Variants in C4orf33 observed in about 807,000 individuals in gnomAD.
C4orf33 encodes UPF0462 protein C4orf33.
Under a neutral mutation model 24.3 loss-of-function variants are expected in C4orf33, and 20 were observed. The observed-to-expected ratio is 0.82, with a 90% confidence interval of 0.58 to 1.19. C4orf33 has a LOEUF of 1.19. Ranked by LOEUF, C4orf33 falls within the 50% of genes most tolerant of loss-of-function variation. The pLI, the probability that C4orf33 is intolerant of heterozygous loss-of-function variation, is 0.00. For missense variants in C4orf33, 207 were observed against 225.9 expected (o/e 0.92, Z 0.54); for synonymous variants, 67 against 76.4 (o/e 0.88, Z 0.64).
At chr4:129,107,976 A>C (rs1256722411) in intron 3 of C4orf33, among the ~76,000 whole-genome samples, 1 of 152,138 alleles carries the variant, frequency 6.6e-6, no homozygotes, top group Non-Finnish European at 1.5e-5. Context: ...AAAAAAATTC[A>C]CAGAGTAGTT....
chr4:129,094,388 G>C (rs1203666839), upstream of C4orf33, among the ~76,000 whole-genome samples: 1 of 152,056 alleles, frequency 6.6e-6, no homozygotes, highest in Non-Finnish European at 1.5e-5. Context: ...CTAGTTTTGT[G>C]CTTTTAATAA....
chr4:129,112,051 TAC>T lies in C4orf33; in HGVS notation c.*262_*263del. 3.7e-6 allele frequency: 1 copy of T among 273,298 alleles called. No homozygotes were observed. Among genetic ancestry groups the T allele is most frequent in the East Asian group, 7.2e-5 (1 of 13,836 alleles). The allele number at this position is 273,298 out of a possible 1,614,324, so 16.9% of individuals were successfully genotyped here. ...AGGATGTTGCATTCCCAGCACACAG[TAC>T]AGTTATTCTTGAAAACTACAAGTGA... On this transcript the variant is annotated 3_prime_UTR_variant, in exon 6 of 6. Transcript: ENST00000425929.
chr4:129,106,610 G>C lies in C4orf33; in HGVS notation c.205G>C (p.Asp69His). Residue 69 changes from aspartate (D) to histidine (H), a missense_variant, in exon 3 of 6, where the codon GAT (aspartate) becomes CAT (histidine). By Grantham distance (81) the Asp-to-His change is moderately conservative (BLOSUM62 -1). Coordinates refer to ENST00000425929, the MANE Select transcript of C4orf33 (RefSeq NM_001099783.2). ...AGTTGTGGAAGCATTTTTCTTGAATGATATAACTGAGCAATATTTAGAAGT... is the reference window on the plus strand; with the variant it reads ...AGTTGTGGAAGCATTTTTCTTGAATCATATAACTGAGCAATATTTAGAAGT... ...YEVVEAFFLN[D>H]ITEQYLEVEL... 1.3e-6 allele frequency: 2 copies of C among 1,548,316 alleles called. No homozygotes were observed. The highest frequency in any genetic ancestry group is 1.8e-6 in the Non-Finnish European group (2 of 1,133,608).
intron 2 of C4orf33, among the ~76,000 whole-genome samples, chr4:129,104,959 AGT>A (rs59872290): frequency 0.67 from 99,167 of 149,082 alleles, 36,231 homozygotes; most frequent in South Asian, 0.86. Flanking sequence ...TGTGCATCTG[AGT>A]GTGTGTGTGT....
intron 5 of C4orf33, chr4:129,110,144 C>A (rs187936824): frequency 2.8e-6 from 1 of 352,874 alleles, no homozygotes; most frequent in Non-Finnish European, 4.0e-6. Flanking sequence ...ACACTGCTTA[C>A]GATAAAAATG....
chr4:129,095,615 C>A (rs1038304063), upstream of C4orf33, among the ~76,000 whole-genome samples: 4 of 152,168 alleles, frequency 2.6e-5, no homozygotes, highest in Non-Finnish European at 5.9e-5. Flanking sequence ...CACTAACATT[C>A]ATTTGGTTGA....
At chr4:129,111,207 C>G (rs1023257468) in intron 5 of C4orf33, among the ~76,000 whole-genome samples, 3 of 152,110 alleles carry the variant, frequency 2.0e-5, no homozygotes, top group Non-Finnish European at 4.4e-5. Context: ...TGGTTTTCCT[C>G]GAAAGAAAAG....
At chr4:129,098,129 A>G (rs1461510286) in intron 1 of C4orf33, among the ~76,000 whole-genome samples, 1 of 152,052 alleles carries the variant, frequency 6.6e-6, no homozygotes, top group African/African-American at 2.4e-5. Flanking sequence ...CTTGGGAAGG[A>G]GGTTTTTGCT....
intron 5 of C4orf33, among the ~76,000 whole-genome samples, chr4:129,110,370 T>C (rs1753658207): frequency 6.6e-6 from 1 of 152,130 alleles, no homozygotes; most frequent in South Asian, 2.1e-4. Flanking sequence ...TCAATTTGAG[T>C]CTTGTTTCCT....
rs1319501765 is a variant in C4orf33 at position 129,112,054 on chromosome 4, A to G, written c.*263A>G. 1 of 264,536 alleles carries G rather than the reference A, an allele frequency of 3.8e-6. No homozygotes were observed. Among genetic ancestry groups the G allele is most frequent in the Non-Finnish European group, 7.2e-6 (1 of 139,858 alleles). The allele number at this position is 264,536 out of a possible 1,614,324, so 16.4% of individuals were successfully genotyped here. ...ATGTTGCATTCCCAGCACACAGTAC[A>G]GTTATTCTTGAAAACTACAAGTGAA... On this transcript the variant is annotated 3_prime_UTR_variant, in exon 6 of 6. Coordinates refer to ENST00000425929, the MANE Select transcript of C4orf33 (RefSeq NM_001099783.2).
intron 5 of C4orf33, chr4:129,109,914 T>C: frequency 8.6e-7 from 1 of 1,160,322 alleles, no homozygotes; most frequent in East Asian, 3.5e-5. Context: ...AAAAGTGTTG[T>C]TTGCATGTGA....
chr4:129,101,909 G>C (rs1753362255), intron 1 of C4orf33, among the ~76,000 whole-genome samples: 1 of 152,126 alleles, frequency 6.6e-6, no homozygotes, highest in Non-Finnish European at 1.5e-5. Flanking sequence ...TATTAAAACT[G>C]AAAGTGTATA....
At chr4:129,111,638 A>G (rs1561093079) in intron 5 of C4orf33, 48 bp from the exon 6 acceptor site, 1 of 1,138,860 alleles carries the variant, frequency 8.8e-7, no homozygotes, top group Middle Eastern at 2.0e-4. Flanking sequence ...ACTATTTCAC[A>G]AATGCATAAT....
At chr4:129,096,817 T>C (rs1753221049) in intron 1 of C4orf33, among the ~76,000 whole-genome samples, 2 of 152,180 alleles carry the variant, frequency 1.3e-5, no homozygotes, top group East Asian at 1.9e-4. Flanking sequence ...ATATGCATTA[T>C]GACTTTTCGG....
rs1482146338 is a variant in C4orf33, at chr4:129,115,412, T to C, written c.*3621T>C. The stretch of plus-strand genomic sequence containing the variant: ...ACACCTCAGTTATGTGGAACACCTG[T>C]GGGAATCTGCTAATCTACTCTGACG... On this transcript the variant is annotated 3_prime_UTR_variant, in exon 6 of 6. Transcript: ENST00000425929. 2 of 152,170 alleles carry C rather than the reference T, an allele frequency of 1.3e-5. No homozygotes were observed. The highest frequency in any genetic ancestry group is 2.4e-5 in the African/African-American group (1 of 41,446). The allele number at this position is 152,170 out of a possible 1,614,324, so 9.4% of individuals were successfully genotyped here. A position where few individuals can be genotyped will look rare whatever the true frequency, so the allele number is the denominator to read the frequency against.
intron 1 of C4orf33, chr4:129,100,532 T>C (rs1753322577): frequency 6.6e-6 from 1 of 151,650 alleles, no homozygotes; most frequent in Non-Finnish European, 1.5e-5. Flanking sequence ...AGCATATCAC[T>C]GGATATCACT....
chr4:129,108,911 A>G (rs1028696681), intron 3 of C4orf33, among the ~76,000 whole-genome samples: 1 of 151,820 alleles, frequency 6.6e-6, no homozygotes, highest in Non-Finnish European at 1.5e-5. Flanking sequence ...TTTTTGAGAC[A>G]GAGTCTCGCT....
chr4:129,101,497 A>G (rs901232195), intron 1 of C4orf33, among the ~76,000 whole-genome samples: 1 of 152,168 alleles, frequency 6.6e-6, no homozygotes, highest in African/African-American at 2.4e-5. Flanking sequence ...CACCACTCCT[A>G]AAATAAAATT....
intron 3 of C4orf33, among the ~76,000 whole-genome samples, chr4:129,108,919 G>A (rs540849540): frequency 4.6e-5 from 7 of 151,268 alleles, no homozygotes; most frequent in Non-Finnish European, 8.8e-5. Context: ...ACAGAGTCTC[G>A]CTTTGTTGCC....
Sources: allele counts gnomAD v4.1 joint callset (sites outside exome capture counted in the v4.1 genomes callset), GRCh38; gene constraint gnomAD v4.1.1; transcripts MANE v1.5; gene names NCBI Gene and HGNC (gene_info 2026-07-23, HGNC 2026-07-21).